Variants in CDYL2 observed in about 807,000 individuals in gnomAD.
CDYL2 encodes chromodomain Y-like protein 2.
A neutral mutation model predicts 49.4 loss-of-function variants in CDYL2; 23 were observed. The observed-to-expected ratio is 0.47, with a 90% CI of 0.34 to 0.66. The LOEUF (loss-of-function observed/expected upper bound fraction) is 0.66. Among genes scored for constraint, CDYL2 ranks in the 30% least tolerant of loss-of-function variants. The pLI is 0.01. For missense variants in CDYL2, 678 were observed against 656.4 expected (o/e 1.03, Z -0.36); for synonymous variants, 360 against 268.8 (o/e 1.34, Z -3.32).
At chr16:80,673,849 C>G (rs942691156) in intron 2 of CDYL2, among the ~76,000 whole-genome samples, 6 of 152,080 alleles carry the variant, frequency 3.9e-5, no homozygotes, top group Non-Finnish European at 7.4e-5. Context: ...AGTGTAATCA[C>G]ATAAGTCCTT....
At chr16:80,632,651 G>A (rs945307986) in intron 3 of CDYL2, 2 of 262,284 alleles carry the variant, frequency 7.6e-6, no homozygotes, top group Admixed American at 9.4e-5. Flanking sequence ...TTAACTGAGT[G>A]AATTATATCT....
rs373182913 is a variant in CDYL2, at chr16:80,684,889, G to C, written c.265C>G (p.Leu89Val). Residue 89 changes from leucine to valine, a missense_variant, in exon 2 of 7, where the codon CTG becomes GTG. Leu to Val is a conservative substitution (Grantham distance 32). Transcript: ENST00000570137. ...RDSRGPSVEK[L>V]SHRPSDPGKS... is the part of the protein sequence containing the mutation. ...CCAGGATCTGAAGGTCTGTGGGACA[G>C]TTTCTCAACCGACGGGCCTCGACTG... is the stretch of plus-strand genomic sequence containing the variant. The C allele has an allele frequency of 1.1e-5, 18 of 1,614,086 alleles. No homozygotes were observed. Among genetic ancestry groups the C allele is most frequent in the Non-Finnish European group, 1.5e-5 (18 of 1,180,046 alleles).
In CDYL2 at chr16:80,604,061, G is replaced by A. The variant is rs1281715857; in HGVS notation, c.*327C>T. ...CAGCCTGAGTCAGAAGAATGTGAAA[G>A]TGGTCTTCCCCTTCCTGGACCGTCA... On this transcript the variant is annotated 3_prime_UTR_variant, in exon 7 of 7. Coordinates refer to ENST00000570137, the MANE Select transcript of CDYL2 (RefSeq NM_152342.4). 3.2e-6 allele frequency: 1 copy of A among 309,972 alleles called. No individual in the cohort carries two copies. The allele number at this position is 309,972 out of a possible 1,614,324, so 19.2% of individuals were successfully genotyped here.
chr16:80,646,281 A>T (rs981793543), intron 2 of CDYL2, among the ~76,000 whole-genome samples: 1 of 152,194 alleles, frequency 6.6e-6, no homozygotes, highest in Non-Finnish European at 1.5e-5. Flanking sequence ...TATAATGAAT[A>T]CAAAAAAATT....
Position 80,685,044 on chromosome 16 carries a change from T to C in CDYL2, c.110A>G (p.Asp37Gly). ...IRWKGYGSTE[D>G]TWEPEHHLLH... ...GAGGTGGTGCTCCGGCTCCCACGTG[T>C]CCTCGGTGCTCCCGTAGCCTTTCCA... Residue 37 changes from aspartate to glycine, a missense_variant, in exon 2 of 7, where the codon GAC becomes GGC. By Grantham distance (94) the Asp-to-Gly change is moderately conservative (BLOSUM62 -1). Around this residue, in one of 3 missense-constraint regions of CDYL2, gnomAD observed 478 missense variants for 427.0 expected, o/e 1.12. Coordinates refer to ENST00000570137, the MANE Select transcript of CDYL2 (RefSeq NM_152342.4). The C allele has an allele frequency of 6.2e-7, 1 of 1,614,176 alleles. No homozygotes were observed. Among genetic ancestry groups the C allele is most frequent in the Non-Finnish European group, 8.5e-7 (1 of 1,180,036 alleles).
At chr16:80,687,247 G>A (rs1001709077) in intron 1 of CDYL2, among the ~76,000 whole-genome samples, 4 of 152,200 alleles carry the variant, frequency 2.6e-5, no homozygotes, top group Non-Finnish European at 5.9e-5. Context: ...GGGATGTGGT[G>A]TATTCTCATG....
At chr16:80,666,154 T>C (rs1002764883) in intron 2 of CDYL2, among the ~76,000 whole-genome samples, 2 of 152,180 alleles carry the variant, frequency 1.3e-5, no homozygotes, top group Non-Finnish European at 2.9e-5. Flanking sequence ...GCTCAAAAGC[T>C]GGTAAGACCT....
intron 1 of CDYL2, among the ~76,000 whole-genome samples, chr16:80,802,615 C>G (rs1907959820): frequency 6.6e-6 from 1 of 152,108 alleles, no homozygotes. Context: ...CAACATACAC[C>G]ATTCTTTCAA....
chr16:80,689,849 G>A (rs577843110), intron 1 of CDYL2, among the ~76,000 whole-genome samples: 10 of 152,244 alleles, frequency 6.6e-5, no homozygotes, highest in African/African-American at 2.2e-4. Flanking sequence ...GGCCAGGCAC[G>A]GTGACTCAGG....
intron 1 of CDYL2, among the ~76,000 whole-genome samples, chr16:80,691,757 A>G (rs544536078): frequency 6.6e-6 from 1 of 152,220 alleles, no homozygotes; most frequent in East Asian, 1.9e-4. Context: ...TACAGAAAAT[A>G]TGACCCATGT....
chr16:80,640,450 T>C (rs1908034702), intron 2 of CDYL2, among the ~76,000 whole-genome samples: 1 of 152,104 alleles, frequency 6.6e-6, no homozygotes, highest in Non-Finnish European at 1.5e-5. Flanking sequence ...GGGCCTTGGG[T>C]AAGACTCCGA....
rs1907646207 is a variant in CDYL2 at position 80,633,116 on chromosome 16, T to A, written c.737A>T (p.Asn246Ile). Reference sequence around the variant, plus strand: ...CACAACGATGTCTCGAAACCGACAGTTGCTTTCATTCTGGCGGACACTGTA... The same window carrying A: ...CACAACGATGTCTCGAAACCGACAGATGCTTTCATTCTGGCGGACACTGTA... ...LRYSVRQNES[N>I]CRFRDIVVRK... Residue 246 changes from asparagine to isoleucine, a missense_variant, in exon 3 of 7, where the codon AAC becomes ATC. Around this residue, in one of 3 missense-constraint regions of CDYL2, gnomAD observed 478 missense variants for 427.0 expected, o/e 1.12. Coordinates refer to ENST00000570137, the MANE Select transcript of CDYL2 (RefSeq NM_152342.4). 4.3e-6 allele frequency: 7 copies of A among 1,614,088 alleles called. No homozygotes were observed. The highest frequency in any genetic ancestry group is 5.9e-6 in the Non-Finnish European group (7 of 1,180,036).
intron 1 of CDYL2, among the ~76,000 whole-genome samples, chr16:80,718,277 T>C (rs1005757300): frequency 3.3e-5 from 5 of 152,232 alleles, no homozygotes. Context: ...ATCTTCATTG[T>C]CAAAATCATC....
At chr16:80,755,737 A>C (rs1301239127) in intron 1 of CDYL2, among the ~76,000 whole-genome samples, 1 of 152,212 alleles carries the variant, frequency 6.6e-6, no homozygotes, top group Non-Finnish European at 1.5e-5. Flanking sequence ...CAAAAAGTAG[A>C]CCCTAACTTA....
chr16:80,773,730 T>C (rs1906987026), intron 1 of CDYL2, among the ~76,000 whole-genome samples: 1 of 152,118 alleles, frequency 6.6e-6, no homozygotes. Context: ...AACTCAGTAA[T>C]CATAAAAGAT....
At chr16:80,671,365 C>T (rs1464880569) in intron 2 of CDYL2, among the ~76,000 whole-genome samples, 1 of 152,200 alleles carries the variant, frequency 6.6e-6, no homozygotes, top group Non-Finnish European at 1.5e-5. Flanking sequence ...CCAGTCCTTC[C>T]ATGGATGACC....
intron 1 of CDYL2, among the ~76,000 whole-genome samples, chr16:80,781,251 T>C (rs1907257725): frequency 1.3e-5 from 2 of 152,256 alleles, no homozygotes; most frequent in Admixed American, 1.3e-4. Flanking sequence ...GGAGAAGTTC[T>C]AACTGACTTC....
At chr16:80,724,327 AGAG>A (rs1905097920) in intron 1 of CDYL2, among the ~76,000 whole-genome samples, 2 of 151,972 alleles carry the variant, frequency 1.3e-5, no homozygotes, top group Admixed American at 6.6e-5. Flanking sequence ...GGGAAGAGGA[AGAG>A]GAGGAGGAGG....
chr16:80,717,049 G>C (rs372318446), intron 1 of CDYL2, among the ~76,000 whole-genome samples: 1 of 143,360 alleles, frequency 7.0e-6, no homozygotes, highest in South Asian at 2.2e-4. Context: ...TGCACGGATG[G>C]ATGGATAGAT....
Sources: gnomAD v4.1 joint callset for allele counts (sites outside exome capture counted in the v4.1 genomes callset) on GRCh38, gnomAD v4.1.1 for gene constraint, gnomAD v4.1.1 regional missense constraint, MANE v1.5 for transcripts, NCBI Gene and HGNC (gene_info 2026-07-23, HGNC 2026-07-21) for gene names.